The following PKNOX2 variants were observed in gnomAD, a reference collection of about 807,000 sequenced individuals.
The protein encoded by PKNOX2 is PBX/knotted 1 homeobox 2.
Under a neutral mutation model 53.1 loss-of-function variants are expected in PKNOX2, and 14 were observed. The ratio of observed to expected loss-of-function variants is 0.26; its 90% CI spans 0.17 to 0.41. PKNOX2 has a LOEUF of 0.41. PKNOX2 is among the 10% of genes least tolerant of loss of function. The pLI, the probability that PKNOX2 is intolerant of heterozygous loss-of-function variation, is 1.00. For synonymous variants in PKNOX2, 257 were observed against 242.8 expected (o/e 1.06, Z -0.54); for missense variants, 496 against 602.8 (o/e 0.82, Z 1.85).
chr11:125,390,240 T>G (rs967961754), intron 6 of PKNOX2, among the ~76,000 whole-genome samples: 1 of 152,220 alleles, frequency 6.6e-6, no homozygotes, highest in Non-Finnish European at 1.5e-5. Context: ...ACAAGGCACA[T>G]GTTACTATTA....
At chr11:125,245,209 C>T (rs548842191) in intron 2 of PKNOX2, among the ~76,000 whole-genome samples, 1 of 152,244 alleles carries the variant, frequency 6.6e-6, no homozygotes, top group African/African-American at 2.4e-5. Context: ...CCATGTGATC[C>T]CCATGACTGT....
intron 2 of PKNOX2, among the ~76,000 whole-genome samples, chr11:125,251,347 C>T (rs530750053): frequency 1.3e-5 from 2 of 152,144 alleles, no homozygotes; most frequent in Admixed American, 6.5e-5. Context: ...GAAACAATTG[C>T]GCTAAATGAG....
chr11:125,387,988 A>T (rs1160615053), intron 6 of PKNOX2, among the ~76,000 whole-genome samples: 4 of 152,082 alleles, frequency 2.6e-5, no homozygotes, highest in African/African-American at 9.7e-5. Context: ...TGGCACTGGG[A>T]AATGGCCTTT....
intron 1 of PKNOX2, among the ~76,000 whole-genome samples, chr11:125,172,686 A>G (rs991883598): frequency 5.9e-5 from 9 of 152,168 alleles, no homozygotes; most frequent in Admixed American, 6.5e-5. Context: ...CCATGATTCC[A>G]TATTTCCTCC....
At chr11:125,258,635 A>G (rs7950466) in intron 2 of PKNOX2, 6,485 of 168,712 alleles carry the variant, frequency 0.038, 450 homozygotes, top group African/African-American at 0.14. Context: ...ATATATTTTC[A>G]TGTTCATTTT....
rs117085906 is a variant in PKNOX2, at chr11:125,410,096, G to T, written c.589-100G>T. 4.1e-6 allele frequency: 6 copies of T among 1,475,828 alleles called. No homozygotes were observed. The African/African-American group carries it at 4.2e-5, about 10-fold the overall frequency. 91.4% of individuals were successfully genotyped at this position (1,475,828 alleles called of 1,614,324 possible). The stretch of plus-strand genomic sequence containing the variant: ...CTGGGGAGGAGCTAGAAGGAGGGAG[G>T]GGGGCAGGCAGGAAGGGGAAAGGAC... On this transcript the variant is annotated intron_variant, in intron 7 of 12. Coordinates refer to ENST00000298282, the MANE Select transcript of PKNOX2 (RefSeq NM_001382323.2).
At chr11:125,233,794 G>C (rs1264735617) in intron 1 of PKNOX2, among the ~76,000 whole-genome samples, 3 of 152,130 alleles carry the variant, frequency 2.0e-5, no homozygotes, top group Non-Finnish European at 4.4e-5. Context: ...TTCCAAAAAG[G>C]CTTGCTTGTC....
chr11:125,260,210 G>C (rs1944737347), intron 2 of PKNOX2, among the ~76,000 whole-genome samples: 1 of 151,696 alleles, frequency 6.6e-6, no homozygotes, highest in Non-Finnish European at 1.5e-5. Flanking sequence ...TTGTCTGCTT[G>C]TTTTGTGAGA....
chr11:125,292,555 G>T (rs984247532), intron 2 of PKNOX2, among the ~76,000 whole-genome samples: 8 of 152,190 alleles, frequency 5.3e-5, no homozygotes, highest in African/African-American at 1.9e-4. Context: ...TTCCTTCAAA[G>T]TCAAGATCCA....
intron 7 of PKNOX2, among the ~76,000 whole-genome samples, chr11:125,398,473 G>A (rs1954546726): frequency 6.6e-6 from 1 of 152,238 alleles, no homozygotes; most frequent in South Asian, 2.1e-4. Flanking sequence ...TTTGGGGAAA[G>A]CAGTCATTCC....
chr11:125,382,081 C>G (rs962438862), intron 5 of PKNOX2, among the ~76,000 whole-genome samples: 3 of 152,192 alleles, frequency 2.0e-5, no homozygotes, highest in African/African-American at 7.2e-5. Flanking sequence ...ACTGTGTACA[C>G]AGAACACACC....
rs752601266 is a variant in PKNOX2 at position 125,431,309 on chromosome 11, G to A, written c.1336G>A (p.Glu446Lys). The A allele has an allele frequency of 2.5e-6, 4 of 1,613,472 alleles. No homozygotes were observed. The African/African-American group carries it at 4.0e-5, about 16-fold the overall frequency. ...DEDEMEEEEE[E>K]ELEEEVDELQ... ...GGATGAGATGGAAGAGGAGGAGGAGGAGGAGCTGGAGGAGGAGGTCGACGA... is the reference window on the plus strand; with the variant it reads ...GGATGAGATGGAAGAGGAGGAGGAGAAGGAGCTGGAGGAGGAGGTCGACGA... The change falls in exon 13 of 13, where the codon GAG becomes AAG. Residue 446 changes from glutamate (E) to lysine (K), a missense_variant. Physicochemically the swap from Glu to Lys is moderately conservative, Grantham distance 56. Transcript: ENST00000298282.
At chr11:125,175,774 TC>T (rs1368558969) in intron 1 of PKNOX2, among the ~76,000 whole-genome samples, 2 of 152,060 alleles carry the variant, frequency 1.3e-5, no homozygotes, top group Non-Finnish European at 2.9e-5. Context: ...TCCCCATCAG[TC>T]AACTGGTGGC....
At chr11:125,265,446 G>A (rs1051799488) in intron 2 of PKNOX2, among the ~76,000 whole-genome samples, 5 of 152,132 alleles carry the variant, frequency 3.3e-5, no homozygotes, top group Admixed American at 6.5e-5. Context: ...TTCTCTCTCC[G>A]AGGTTCCTCT....
At chr11:125,199,582 A>G (rs1452858662) in intron 1 of PKNOX2, among the ~76,000 whole-genome samples, 1 of 152,146 alleles carries the variant, frequency 6.6e-6, no homozygotes, top group Non-Finnish European at 1.5e-5. Context: ...TGTGGCTCAC[A>G]CCTGTAATCC....
intron 1 of PKNOX2, among the ~76,000 whole-genome samples, chr11:125,185,275 T>A (rs4936990): frequency 6.6e-6 from 1 of 152,198 alleles, no homozygotes; most frequent in East Asian, 1.9e-4. Context: ...TTTCATTTGT[T>A]TGGTTGGGCT....
chr11:125,178,682 G>GAC (rs1565462532), intron 1 of PKNOX2, among the ~76,000 whole-genome samples: 2 of 133,342 alleles, frequency 1.5e-5, no homozygotes. Flanking sequence ...AAGAAAGAGA[G>GAC]AGAGAGAGAG....
At chr11:125,225,400 C>T (rs780857588) in intron 1 of PKNOX2, among the ~76,000 whole-genome samples, 7 of 152,204 alleles carry the variant, frequency 4.6e-5, no homozygotes, top group Non-Finnish European at 8.8e-5. Flanking sequence ...GCATGACTTC[C>T]AATCCTGGAC....
At chr11:125,402,653 G>T (rs368068107) in intron 7 of PKNOX2, among the ~76,000 whole-genome samples, 28 of 152,284 alleles carry the variant, frequency 1.8e-4, no homozygotes, top group African/African-American at 6.3e-4. Context: ...GATAAATCAT[G>T]TCAGCCGTGA....
Sources: allele counts gnomAD v4.1 joint callset (sites outside exome capture counted in the v4.1 genomes callset), GRCh38; gene constraint gnomAD v4.1.1; transcripts MANE v1.5; gene names NCBI Gene and HGNC (gene_info 2026-07-23, HGNC 2026-07-21).